LRRTM3: variants seen among roughly 807,000 people sequenced by gnomAD.
The protein encoded by LRRTM3 is leucine-rich repeat transmembrane neuronal protein 3.
A neutral mutation model predicts 44.7 loss-of-function variants in LRRTM3; 24 were observed. That is an observed-to-expected ratio of 0.54 (90% CI 0.39 to 0.76). The LOEUF (loss-of-function observed/expected upper bound fraction) is 0.76. LRRTM3 is among the 30% of genes least tolerant of loss of function. The pLI is 0.00. For missense variants in LRRTM3, 587 were observed against 702.2 expected, an observed-to-expected ratio of 0.84 and a Z score of 1.85; for synonymous variants, 277 against 278.7, an observed-to-expected ratio of 0.99 and a Z score of 0.06.
intron 2 of LRRTM3, among the ~76,000 whole-genome samples, chr10:67,060,153 A>G (rs1855679185): frequency 6.6e-6 from 1 of 151,984 alleles, no homozygotes; most frequent in African/African-American, 2.4e-5. Context: ...CCATCTCCAC[A>G]AAAAAATACA....
At chr10:67,056,943 G>A (rs78031898) in intron 2 of LRRTM3, among the ~76,000 whole-genome samples, 1 of 152,150 alleles carries the variant, frequency 6.6e-6, no homozygotes, top group Non-Finnish European at 1.5e-5. Flanking sequence ...GGGTGCAAAA[G>A]AGTGGGAACT....
chr10:67,020,158 T>C (rs932082762), intron 2 of LRRTM3, among the ~76,000 whole-genome samples: 1 of 152,198 alleles, frequency 6.6e-6, no homozygotes, highest in Admixed American at 6.5e-5. Flanking sequence ...TAGTATTTTT[T>C]ATAATCATAG....
In LRRTM3 at chr10:66,979,956, G is replaced by A. The variant is rs537004799; in HGVS notation, c.1536+51504G>A. Among the ~76,000 whole-genome samples the A allele has an allele frequency of 2.0e-5, 3 of 152,242 alleles. No homozygotes were observed. In the South Asian group the frequency reaches 6.2e-4, roughly 32 times the overall value. ...CCTCAAGTACTGTTGGAACACCAGGGGGTTCCATCAAGTTTTTATTCTTTT... is the reference window on the plus strand; with the variant it reads ...CCTCAAGTACTGTTGGAACACCAGGAGGTTCCATCAAGTTTTTATTCTTTT... On this transcript the variant is annotated intron_variant, in intron 2 of 2. Coordinates refer to ENST00000361320, the MANE Select transcript of LRRTM3 (RefSeq NM_178011.5).
intron 2 of LRRTM3, among the ~76,000 whole-genome samples, chr10:67,084,659 A>G (rs1056887193): frequency 6.6e-5 from 10 of 151,884 alleles, no homozygotes; most frequent in Non-Finnish European, 1.5e-5. Context: ...AGATACTTTG[A>G]TAACTTTTAT....
chr10:67,006,255 T>C (rs73324999), intron 2 of LRRTM3, among the ~76,000 whole-genome samples: 2 of 152,082 alleles, frequency 1.3e-5, no homozygotes, highest in African/African-American at 4.8e-5. Context: ...AAAGCTGTAC[T>C]CTCTTCTCTA....
intron 2 of LRRTM3, among the ~76,000 whole-genome samples, chr10:66,983,047 G>A (rs1470084052): frequency 6.6e-6 from 1 of 152,164 alleles, no homozygotes; most frequent in Admixed American, 6.5e-5. Flanking sequence ...AGCGACTGCC[G>A]AACTTCCTGG....
chr10:66,928,296 G>A lies in LRRTM3; in HGVS notation c.1380G>A (p.Arg460=). The change falls in exon 2 of 3, where the codon AGG becomes AGA. Residue 460 remains arginine (R), a synonymous_variant. Transcript: ENST00000361320. ...TGCAGCAGCGCTCCCTCATGCGAAG[G>A]CACAGGAAAAAGAAAAGACAGTCCC... The part of the protein sequence containing the change: ...KQLQQRSLMR[R]HRKKKRQSLK... The A allele has an allele frequency of 6.2e-7, 1 of 1,614,112 alleles. No individual in the cohort carries two copies. Among genetic ancestry groups the A allele is most frequent in the Non-Finnish European group, 8.5e-7 (1 of 1,180,030 alleles).
chr10:67,070,831 C>T (rs1342125816), intron 2 of LRRTM3, among the ~76,000 whole-genome samples: 2 of 152,006 alleles, frequency 1.3e-5, no homozygotes, highest in African/African-American at 4.8e-5. Flanking sequence ...TCCTCTATTT[C>T]CTACCTAGTT....
chr10:67,082,764 T>C (rs1359876357), intron 2 of LRRTM3, among the ~76,000 whole-genome samples: 1 of 152,192 alleles, frequency 6.6e-6, no homozygotes, highest in African/African-American at 2.4e-5. Flanking sequence ...GATTTCTGAA[T>C]ATGAGTGTTA....
At chr10:66,955,344 C>T (rs538837916) in intron 2 of LRRTM3, among the ~76,000 whole-genome samples, 1 of 152,282 alleles carries the variant, frequency 6.6e-6, no homozygotes, top group South Asian at 2.1e-4. Flanking sequence ...TGATTACTCA[C>T]TATGTACCAA....
chr10:67,048,249 A>T (rs1369126817), intron 2 of LRRTM3, among the ~76,000 whole-genome samples: 1 of 152,122 alleles, frequency 6.6e-6, no homozygotes, highest in Non-Finnish European at 1.5e-5. Flanking sequence ...ATAAACGAGG[A>T]AGAAAATTCT....
chr10:66,998,581 C>T (rs1377371382), intron 2 of LRRTM3, among the ~76,000 whole-genome samples: 1 of 151,998 alleles, frequency 6.6e-6, no homozygotes, highest in Non-Finnish European at 1.5e-5. Flanking sequence ...GAAAGTGAGA[C>T]ACTTGTAGAG....
chr10:66,992,031 T>C (rs1481639889), intron 2 of LRRTM3, among the ~76,000 whole-genome samples: 1 of 152,130 alleles, frequency 6.6e-6, no homozygotes, highest in East Asian at 1.9e-4. Flanking sequence ...CAAACATCCT[T>C]GTATGTCTCT....
intron 2 of LRRTM3, among the ~76,000 whole-genome samples, chr10:66,966,485 A>ATT (rs35922630): frequency 2.7e-5 from 4 of 150,682 alleles, no homozygotes; most frequent in Admixed American, 6.6e-5. Context: ...TATGTAATAT[A>ATT]TTTTTTTTTT....
intron 2 of LRRTM3, among the ~76,000 whole-genome samples, chr10:66,976,749 A>G (rs189949439): frequency 3.3e-5 from 5 of 152,270 alleles, no homozygotes; most frequent in Admixed American, 6.5e-5. Flanking sequence ...TTTTCTCATT[A>G]TTCATTTCAT....
At chr10:66,960,957 C>G (rs941022981) in intron 2 of LRRTM3, among the ~76,000 whole-genome samples, 1 of 151,996 alleles carries the variant, frequency 6.6e-6, no homozygotes, top group Non-Finnish European at 1.5e-5. Flanking sequence ...CACAAGGGAT[C>G]CTTTCTGAGA....
intron 2 of LRRTM3, among the ~76,000 whole-genome samples, chr10:66,959,557 A>T (rs1266561340): frequency 6.6e-6 from 1 of 152,062 alleles, no homozygotes; most frequent in East Asian, 1.9e-4. Flanking sequence ...TGGGAAAGAG[A>T]ATTAACCTCT....
chr10:67,047,091 A>G (rs1854801305), intron 2 of LRRTM3, among the ~76,000 whole-genome samples: 1 of 152,144 alleles, frequency 6.6e-6, no homozygotes, highest in Non-Finnish European at 1.5e-5. Context: ...ATGAGTTTAG[A>G]CAGAGGACAA....
chr10:66,983,611 A>C (rs1363405395), intron 2 of LRRTM3, among the ~76,000 whole-genome samples: 1 of 152,190 alleles, frequency 6.6e-6, no homozygotes, highest in Non-Finnish European at 1.5e-5. Flanking sequence ...ACATAACAAA[A>C]TTGATAAGGA....
Sources: allele counts gnomAD v4.1 joint callset (sites outside exome capture counted in the v4.1 genomes callset), GRCh38; gene constraint gnomAD v4.1.1; transcripts MANE v1.5; gene names NCBI Gene and HGNC (gene_info 2026-07-23, HGNC 2026-07-21).